Variants in PLD5 observed in about 807,000 individuals in gnomAD.
The protein encoded by PLD5 is phospholipase D family member 5.
A neutral mutation model predicts 61.1 loss-of-function variants in PLD5; 36 were observed. The observed-to-expected ratio is 0.59, with a 90% CI of 0.45 to 0.78. The LOEUF (loss-of-function observed/expected upper bound fraction) is 0.78. PLD5 is among the 30% of genes least tolerant of loss of function. PLD5 has a pLI of 0.00. For missense variants in PLD5, 515 were observed against 644.4 expected (o/e 0.80, Z 2.17); for synonymous variants, 243 against 242.8 (o/e 1.00, Z -0.01).
intron 1 of PLD5, among the ~76,000 whole-genome samples, chr1:242,483,126 A>C (rs1233283528): frequency 1.3e-5 from 2 of 152,166 alleles, no homozygotes; most frequent in East Asian, 3.9e-4. Context: ...AAAGACCATC[A>C]AGGCTAGGAA....
chr1:242,418,360 A>G (rs1664942955), intron 1 of PLD5, among the ~76,000 whole-genome samples: 2 of 152,308 alleles, frequency 1.3e-5, no homozygotes, highest in African/African-American at 4.8e-5. Flanking sequence ...CAAAGTAAGC[A>G]TCAAACGAAT....
At chr1:242,306,396 C>T (rs1005749348) in intron 2 of PLD5, among the ~76,000 whole-genome samples, 13 of 151,996 alleles carry the variant, frequency 8.6e-5, no homozygotes, top group African/African-American at 3.1e-4. Context: ...CCCTTCCATG[C>T]TCCAGCCTAC....
Position 242,524,303 on chromosome 1 carries a change from G to T in PLD5, c.-27C>A, listed in dbSNP as rs1371782866. The T allele has an allele frequency of 7.2e-7, 1 of 1,382,602 alleles. No individual in the cohort carries two copies. Among genetic ancestry groups the T allele is most frequent in the African/African-American group, 1.5e-5 (1 of 65,316 alleles). 85.6% of individuals were successfully genotyped at this position (1,382,602 alleles called of 1,614,324 possible). Reference sequence around the variant, plus strand: ...CTGACATGACCGGGCGGCCGCCGGCGAGCAGCGGACTCGGGACGGGCGCGC... The same window carrying T: ...CTGACATGACCGGGCGGCCGCCGGCTAGCAGCGGACTCGGGACGGGCGCGC... On this transcript the variant is annotated 5_prime_UTR_variant, in exon 1 of 10. Transcript: ENST00000536534.
intron 2 of PLD5, among the ~76,000 whole-genome samples, chr1:242,342,239 A>G (rs908492476): frequency 5.3e-5 from 8 of 152,208 alleles, no homozygotes; most frequent in African/African-American, 1.9e-4. Context: ...AGTGTCTCTA[A>G]TAAGTGGTGG....
intron 5 of PLD5, among the ~76,000 whole-genome samples, chr1:242,145,517 C>G (rs923703684): frequency 3.3e-5 from 5 of 151,874 alleles, no homozygotes; most frequent in African/African-American, 1.2e-4. Context: ...ATTTAAGAAC[C>G]CACAACAAGA....
intron 5 of PLD5, among the ~76,000 whole-genome samples, chr1:242,164,054 T>G (rs1666111960): frequency 6.6e-6 from 1 of 151,876 alleles, no homozygotes; most frequent in Non-Finnish European, 1.5e-5. Flanking sequence ...ACCATGTATG[T>G]GCAAAGGATA....
chr1:242,392,514 C>G (rs1035915574), intron 1 of PLD5, among the ~76,000 whole-genome samples: 9 of 152,326 alleles, frequency 5.9e-5, no homozygotes, highest in African/African-American at 2.2e-4. Context: ...GGGTTAGAAG[C>G]AGCATTGAGC....
intron 2 of PLD5, among the ~76,000 whole-genome samples, chr1:242,306,844 C>T (rs7413221): frequency 1.5e-5 from 1 of 67,132 alleles, no homozygotes; most frequent in Non-Finnish European, 3.4e-5. Context: ...AAACAGAAAA[C>T]CCATATAAAG....
chr1:242,354,630 TTAAC>T (rs757533816), intron 1 of PLD5, among the ~76,000 whole-genome samples: 8 of 152,134 alleles, frequency 5.3e-5, no homozygotes, highest in East Asian at 3.9e-4. Context: ...TTTCTTTCTC[TTAAC>T]TTACTCTTCT....
intron 3 of PLD5, 27 bp from the exon 4 acceptor site, chr1:242,265,475 A>G (rs1026627336): frequency 1.3e-6 from 2 of 1,567,934 alleles, no homozygotes; most frequent in African/African-American, 2.7e-5. Context: ...GAGACAAAGA[A>G]AGTCAGAAAA....
intron 1 of PLD5, among the ~76,000 whole-genome samples, chr1:242,355,374 T>A (rs1284256816): frequency 2.0e-5 from 3 of 152,150 alleles, no homozygotes; most frequent in Non-Finnish European, 4.4e-5. Context: ...AGAAATTTAT[T>A]TATTCTAGGT....
intron 1 of PLD5, among the ~76,000 whole-genome samples, chr1:242,500,118 C>A (rs912026812): frequency 6.6e-6 from 1 of 152,142 alleles, no homozygotes; most frequent in South Asian, 2.1e-4. Flanking sequence ...TTGGATGTCA[C>A]ATAGTGTAGC....
At chr1:242,105,166 C>T (rs1455514722) in intron 8 of PLD5, among the ~76,000 whole-genome samples, 1 of 151,204 alleles carries the variant, frequency 6.6e-6, no homozygotes, top group African/African-American at 2.4e-5. Context: ...GAACCTTTGG[C>T]TTATAGGGCT....
At position 242,262,478 on chromosome 1, in the gene PLD5, T is replaced by C. The variant is rs183358205; in HGVS notation, c.607+2859A>G. Among the ~76,000 whole-genome samples the C allele has an allele frequency of 6.6e-5, 10 of 152,322 alleles. No individual in the cohort carries two copies. In the East Asian group the frequency reaches 1.3e-3, roughly 21 times the overall value. ...TTCCTCAGGCATCCTCACACCTGCATGCAATTTGGGGGAACACGTAAGGTG... is the reference window on the plus strand; with the variant it reads ...TTCCTCAGGCATCCTCACACCTGCACGCAATTTGGGGGAACACGTAAGGTG... On this transcript the variant is annotated intron_variant, in intron 4 of 9. Coordinates refer to ENST00000536534, the MANE Select transcript of PLD5 (RefSeq NM_001372062.1).
intron 3 of PLD5, among the ~76,000 whole-genome samples, chr1:242,284,087 A>G (rs1674871304): frequency 6.9e-6 from 1 of 144,742 alleles, no homozygotes; most frequent in Non-Finnish European, 1.5e-5. Flanking sequence ...AAAGGAGGGG[A>G]ATAGACTCTA....
At chr1:242,154,221 T>G (rs1665164216) in intron 5 of PLD5, among the ~76,000 whole-genome samples, 1 of 152,352 alleles carries the variant, frequency 6.6e-6, no homozygotes, top group African/African-American at 2.4e-5. Context: ...CAGAAGTTGC[T>G]TATCAGCTTA....
intron 2 of PLD5, among the ~76,000 whole-genome samples, chr1:242,313,331 T>A (rs1676816127): frequency 6.6e-6 from 1 of 152,222 alleles, no homozygotes; most frequent in African/African-American, 2.4e-5. Context: ...CTATTGTGTA[T>A]CTCTCATCCA....
At chr1:242,483,013 A>G (rs1016744693) in intron 1 of PLD5, among the ~76,000 whole-genome samples, 3 of 152,156 alleles carry the variant, frequency 2.0e-5, no homozygotes, top group African/African-American at 7.2e-5. Flanking sequence ...AATGCTGAGA[A>G]ATTTTGTCAC....
intron 2 of PLD5, among the ~76,000 whole-genome samples, chr1:242,298,602 T>A (rs1574689589): frequency 6.6e-6 from 1 of 152,186 alleles, no homozygotes; most frequent in African/African-American, 2.4e-5. Context: ...ACAGAGGAAC[T>A]AAGCAGAGTG....
Sources: gnomAD v4.1 joint callset for allele counts (sites outside exome capture counted in the v4.1 genomes callset) on GRCh38, gnomAD v4.1.1 for gene constraint, MANE v1.5 for transcripts, NCBI Gene and HGNC (gene_info 2026-07-23, HGNC 2026-07-21) for gene names.